Variants in CRKL observed in about 807,000 individuals in gnomAD.
CRKL encodes the protein CRK like proto-oncogene, adaptor protein, also known as crk-like protein.
CRKL carries 3 observed loss-of-function variants against 23.0 expected under a neutral mutation model. The observed-to-expected ratio is 0.13, with a 90% CI of 0.06 to 0.34. The LOEUF is 0.34. Among genes scored for constraint, CRKL ranks in the 10% least tolerant of loss-of-function variants. The pLI, the probability that CRKL is intolerant of heterozygous loss-of-function variation, is 1.00. For synonymous variants in CRKL, 188 were observed against 160.7 expected, an observed-to-expected ratio of 1.17 and a Z score of -1.28; for missense variants, 256 against 394.5, an observed-to-expected ratio of 0.65 and a Z score of 2.97.
intron 1 of CRKL, among the ~76,000 whole-genome samples, chr22:20,930,731 C>T (rs1309292510): frequency 1.9e-5 from 2 of 102,986 alleles, no homozygotes; most frequent in Non-Finnish European, 3.6e-5. Context: ...TTAACTGTTT[C>T]AGGCAGTGAC....
At chr22:20,930,790 CCTG>C (rs1489671981) in intron 1 of CRKL, among the ~76,000 whole-genome samples, 1 of 150,102 alleles carries the variant, frequency 6.7e-6, no homozygotes, top group Non-Finnish European at 1.5e-5. Flanking sequence ...ACACCATTCT[CCTG>C]CCTCAGCCTC....
chr22:20,944,841 G>A (rs560389056), intron 2 of CRKL, among the ~76,000 whole-genome samples: 5 of 151,886 alleles, frequency 3.3e-5, no homozygotes, highest in Non-Finnish European at 7.4e-5. Flanking sequence ...AGCCTCCTGA[G>A]TAGCTGGGAC....
At chr22:20,930,487 C>A (rs557294887) in intron 1 of CRKL, among the ~76,000 whole-genome samples, 1 of 152,148 alleles carries the variant, frequency 6.6e-6, no homozygotes, top group Non-Finnish European at 1.5e-5. Context: ...TCAAGCAATT[C>A]TCTTCCCTCG....
chr22:20,933,625 G>A (rs561823691), intron 1 of CRKL, among the ~76,000 whole-genome samples, 154 bp from the exon 2 acceptor site: 4 of 152,268 alleles, frequency 2.6e-5, no homozygotes, highest in African/African-American at 7.2e-5. Flanking sequence ...CTAAGATCAC[G>A]CTATTGCACT....
At chr22:20,944,833 C>G (rs911651673) in intron 2 of CRKL, among the ~76,000 whole-genome samples, 2 of 152,022 alleles carry the variant, frequency 1.3e-5, no homozygotes, top group South Asian at 4.2e-4. Context: ...TGTGCCTCAG[C>G]CTCCTGAGTA....
chr22:20,933,700 A>G (rs1921548780), intron 1 of CRKL, 79 bp from the exon 2 acceptor site: 1 of 1,105,810 alleles, frequency 9.0e-7, no homozygotes, highest in Non-Finnish European at 1.3e-6. Context: ...TATAGAGGAG[A>G]GTGGTATATT....
At chr22:20,945,150 C>T (rs1350060786) in intron 2 of CRKL, among the ~76,000 whole-genome samples, 4 of 151,914 alleles carry the variant, frequency 2.6e-5, no homozygotes, top group African/African-American at 4.8e-5. Context: ...CCTCCTACCA[C>T]GCCCGGCTAA....
At position 20,918,043 on chromosome 22, in the gene CRKL, C is replaced by T. The variant is rs1601669837; in HGVS notation, c.109C>T (p.Leu37Phe). 1 of 1,614,140 alleles carries T rather than the reference C, an allele frequency of 6.2e-7. No individual in the cohort carries two copies. The highest frequency in any genetic ancestry group is 1.7e-5 in the Admixed American group (1 of 60,006). ...CCAGGGCCAGCGCCACGGTATGTTC[C>T]TCGTCCGCGATTCTTCCACCTGCCC... ...RLQGQRHGMF[L>F]VRDSSTCPGD... The change falls in exon 1 of 3, where the codon CTC (leucine) becomes TTC (phenylalanine). Residue 37 changes from leucine to phenylalanine, a missense_variant. By Grantham distance (22) the Leu-to-Phe change is conservative. Transcript: ENST00000354336.
At position 20,953,424 on chromosome 22, in the gene CRKL, A is replaced by AAACAACAACAACAAC. The variant is rs55778752; in HGVS notation, c.*3593_*3607dup. 8.8e-5 allele frequency: 20 copies of AAACAACAACAACAAC among 227,850 alleles called. No individual in the cohort carries two copies. The highest frequency in any genetic ancestry group is 4.5e-4 in the African/African-American group (20 of 44,738). 14.1% of individuals were successfully genotyped at this position (227,850 alleles called of 1,614,324 possible). A position where few individuals can be genotyped will look rare whatever the true frequency, so the allele number is the denominator to read the frequency against. On this transcript the variant is annotated 3_prime_UTR_variant, in exon 3 of 3. Coordinates refer to ENST00000354336, the MANE Select transcript of CRKL (RefSeq NM_005207.4). ...TAGACGGTCTTCACTGTGTGTTTTA[A>AAACAACAACAACAAC]AACAACAACAACAACAACAACAACA...
At chr22:20,927,430 G>T (rs935044261) in intron 1 of CRKL, among the ~76,000 whole-genome samples, 3 of 148,932 alleles carry the variant, frequency 2.0e-5, no homozygotes, top group African/African-American at 7.4e-5. Context: ...GACCTCAGGT[G>T]ATCCAATTGC....
At chr22:20,932,058 A>G (rs960766356) in intron 1 of CRKL, among the ~76,000 whole-genome samples, 11 of 151,296 alleles carry the variant, frequency 7.3e-5, no homozygotes, top group Non-Finnish European at 1.5e-4. Context: ...TGATCCGCCC[A>G]CCTCAGCCTC....
chr22:20,931,608 A>G (rs1347900762), intron 1 of CRKL, among the ~76,000 whole-genome samples: 1 of 151,822 alleles, frequency 6.6e-6, no homozygotes, highest in Non-Finnish European at 1.5e-5. Flanking sequence ...TTAGAACCAG[A>G]CTCCCTGAGT....
In CRKL at chr22:20,951,160, GA is replaced by G. The variant is rs1922259187; in HGVS notation, c.*1317del. ...TCATAGAATCGTTGGACTCATTAAT[GA>G]ATCGTTCAACTCCACTCACTGAAGC... On this transcript the variant is annotated 3_prime_UTR_variant, in exon 3 of 3. Coordinates refer to ENST00000354336, the MANE Select transcript of CRKL (RefSeq NM_005207.4). 8.6e-6 allele frequency: 2 copies of G among 232,132 alleles called. No homozygotes were observed. Among genetic ancestry groups the G allele is most frequent in the African/African-American group, 4.4e-5 (2 of 45,294 alleles). The allele number at this position is 232,132 out of a possible 1,614,324, so 14.4% of individuals were successfully genotyped here. A position where few individuals can be genotyped will look rare whatever the true frequency, so the allele number is the denominator to read the frequency against.
Position 20,918,011 on chromosome 22 carries a change from C to T in CRKL, c.77C>T (p.Thr26Ile), listed in dbSNP as rs751864009. Residue 26 changes from threonine (T) to isoleucine (I), a missense_variant, in exon 1 of 3, where the codon ACC (threonine) becomes ATC (isoleucine). Thr to Ile is a moderately conservative substitution (Grantham distance 89, BLOSUM62 -1). Around this residue, in one of 3 missense-constraint regions of CRKL, gnomAD observed 85 missense variants for 139.8 expected, o/e 0.61. Coordinates refer to ENST00000354336, the MANE Select transcript of CRKL (RefSeq NM_005207.4). ...MGPVSRQEAQ[T>I]RLQGQRHGMF... is the part of the protein sequence containing the mutation. ...CCGGTGTCTCGCCAGGAGGCGCAGA[C>T]CCGGCTCCAGGGCCAGCGCCACGGT... is the stretch of plus-strand genomic sequence containing the variant. 2 of 1,614,232 alleles carry T rather than the reference C, an allele frequency of 1.2e-6. No homozygotes were observed. The highest frequency in any genetic ancestry group is 1.7e-5 in the Admixed American group (1 of 60,026).
intron 2 of CRKL, 83 bp from the exon 3 acceptor site, chr22:20,949,628 A>G: frequency 6.4e-7 from 1 of 1,555,260 alleles, no homozygotes; most frequent in Non-Finnish European, 8.8e-7. Context: ...GGCCCTTTGG[A>G]TAAGGTAGTG....
At chr22:20,940,147 C>G (rs1331040372) in intron 2 of CRKL, among the ~76,000 whole-genome samples, 2 of 152,104 alleles carry the variant, frequency 1.3e-5, no homozygotes, top group Non-Finnish European at 2.9e-5. Context: ...CCTCCAGTTT[C>G]CTAACTGCAG....
chr22:20,935,522 C>CTTT lies in CRKL; in HGVS notation c.777+1290_777+1292dup, dbSNP rs11463804. ...TTTAATTACCAAGTCATTTTCTTTT[C>CTTT]TTTTTTTTTTTTTTGAGACAGAGTC... On this transcript the variant is annotated intron_variant, in intron 2 of 2. Coordinates refer to ENST00000354336, the MANE Select transcript of CRKL (RefSeq NM_005207.4). Among the ~76,000 whole-genome samples the CTTT allele has an allele frequency of 4.8e-4, 69 of 143,232 alleles. 1 individual carries two copies. Among genetic ancestry groups the CTTT allele is most frequent in the African/African-American group, 1.4e-3 (54 of 39,088 alleles). 94.0% of individuals were successfully genotyped at this position (143,232 alleles called of 152,430 possible). A position where few individuals can be genotyped will look rare whatever the true frequency, so the allele number is the denominator to read the frequency against.
Position 20,939,947 on chromosome 22 carries a change from G to A in CRKL, c.777+5703G>A, listed in dbSNP as rs1034727389. Among the ~76,000 whole-genome samples, 43 of 151,702 alleles carry A rather than the reference G, an allele frequency of 2.8e-4. 1 individual carries two copies. Among genetic ancestry groups the A allele is most frequent in the Non-Finnish European group, 4.1e-4 (28 of 67,948 alleles). ...GGGATTACAGGCACCTGCCAACCGC[G>A]CCTGGCTAATTTTTTTATTTTTAGT... On this transcript the variant is annotated intron_variant, in intron 2 of 2. Transcript: ENST00000354336.
Position 20,933,853 on chromosome 22 carries a change from G to T in CRKL, c.386G>T (p.Arg129Leu), listed in dbSNP as rs2147904693. The change falls in exon 2 of 3, where the codon CGG (arginine) becomes CTG (leucine). Residue 129 changes from arginine to leucine, a missense_variant. Transcript: ENST00000354336. ...GCAGAAGATAACCTGGAATATGTAC[G>T]GACTCTGTATGATTTTCCTGGGAAT... ...PTAEDNLEYV[R>L]TLYDFPGNDA... is the part of the protein sequence containing the mutation. 6.2e-7 allele frequency: 1 copy of T among 1,614,056 alleles called. No individual in the cohort carries two copies. Among genetic ancestry groups the T allele is most frequent in the Non-Finnish European group, 8.5e-7 (1 of 1,180,014 alleles).
Sources: gnomAD v4.1 joint callset for allele counts (sites outside exome capture counted in the v4.1 genomes callset) on GRCh38, gnomAD v4.1.1 for gene constraint, gnomAD v4.1.1 regional missense constraint, MANE v1.5 for transcripts, NCBI Gene and HGNC (gene_info 2026-07-23, HGNC 2026-07-21) for gene names.